Variants in RUFY4 observed in about 807,000 individuals in gnomAD.
The protein encoded by RUFY4 is RUN and FYVE domain containing 4.
RUFY4 carries 73 observed loss-of-function variants against 69.0 expected under a neutral mutation model. That is an observed-to-expected ratio of 1.06 (90% confidence interval 0.88 to 1.29). RUFY4 has a LOEUF of 1.29. RUFY4 is among the 50% of genes most tolerant of loss of function. RUFY4 has a pLI of 0.00. For missense variants in RUFY4, 770 were observed against 705.6 expected (o/e 1.09, Z -1.03); for synonymous variants, 287 against 271.8 (o/e 1.06, Z -0.55).
At chr2:218,068,295 G>GA (rs1689399081), upstream of RUFY4, among the ~76,000 whole-genome samples, 1 of 152,100 alleles carries the variant, frequency 6.6e-6, no homozygotes, top group Non-Finnish European at 1.5e-5. Context: ...GAGCGCAGGG[G>GA]CAGGGATCCT....
At chr2:218,077,634 A>G (rs1574514085) in intron 8 of RUFY4, among the ~76,000 whole-genome samples, 2 of 152,074 alleles carry the variant, frequency 1.3e-5, no homozygotes, top group African/African-American at 4.8e-5. Context: ...TCTCTCCCAC[A>G]TGGCTAACAC....
intron 2 of RUFY4, among the ~76,000 whole-genome samples, chr2:218,053,664 C>A (rs951867460): frequency 1.3e-5 from 2 of 152,194 alleles, no homozygotes; most frequent in African/African-American, 2.4e-5. Context: ...CGTCTGCCAC[C>A]GCGCCCGGCT....
chr2:218,084,344 G>A (rs1689842125), intron 9 of RUFY4, among the ~76,000 whole-genome samples: 1 of 151,922 alleles, frequency 6.6e-6, no homozygotes, highest in East Asian at 1.9e-4. Flanking sequence ...CGGTTCTCCT[G>A]CCTCAGCCTT....
At chr2:218,070,804 C>G in exon 2 of RUFY4, 10 of 1,537,228 alleles carry the variant, frequency 6.5e-6, no homozygotes, top group Non-Finnish European at 8.7e-6. Flanking sequence ...GGGCCAGTGA[C>G]GGACACCAGT....
At chr2:218,054,224 C>G (rs940168974) in intron 2 of RUFY4, among the ~76,000 whole-genome samples, 1 of 152,164 alleles carries the variant, frequency 6.6e-6, no homozygotes, top group African/African-American at 2.4e-5. Flanking sequence ...AAGACTCTTA[C>G]AAGTACTCTT....
chr2:218,061,212 G>A (rs533596333), intron 3 of RUFY4: 19 of 384,572 alleles, frequency 4.9e-5, no homozygotes, highest in South Asian at 1.2e-4. Context: ...GACCAGCATC[G>A]GCAGGGAGTT....
chr2:218,063,074 G>A (rs1236686934), intron 3 of RUFY4, among the ~76,000 whole-genome samples: 3 of 152,250 alleles, frequency 2.0e-5, no homozygotes, highest in African/African-American at 7.2e-5. Flanking sequence ...CCCGCTCTGG[G>A]GAAGCCTGGG....
chr2:218,074,786 T>G (rs1197489061), intron 6 of RUFY4, among the ~76,000 whole-genome samples: 1 of 150,286 alleles, frequency 6.7e-6, no homozygotes, highest in African/African-American at 2.5e-5. Flanking sequence ...AGGAAAGGAG[T>G]GAGAGGAACT....
rs1450644032 is a variant in RUFY4, at chr2:218,045,402, C to T, written c.-1158+10008C>T. 3.9e-5 allele frequency among the ~76,000 whole-genome samples: 6 copies of T among 152,114 alleles called. No individual in the cohort carries two copies. In the South Asian group the frequency reaches 6.2e-4, roughly 16 times the overall value. On this transcript the variant is annotated intron_variant and NMD_transcript_variant, in intron 2 of 13. Coordinates refer to the RUFY4 transcript ENST00000457754. ...AAGAAGAGTTTCCAAATCCTGGAAC[C>T]ATCAGGTAGGAAGAAAAAGATAAAT... is the stretch of plus-strand genomic sequence containing the variant.
intron 8 of RUFY4, among the ~76,000 whole-genome samples, chr2:218,078,003 G>A (rs975257805): frequency 2.0e-5 from 3 of 152,116 alleles, no homozygotes; most frequent in East Asian, 1.9e-4. Flanking sequence ...ACAGTGCTCC[G>A]GCCACCTGTC....
intron 3 of RUFY4, among the ~76,000 whole-genome samples, chr2:218,063,713 C>T (rs929622604): frequency 1.3e-5 from 2 of 152,034 alleles, no homozygotes; most frequent in Non-Finnish European, 2.9e-5. Context: ...TGGGTGTGAG[C>T]GAGGGGCACA....
At chr2:218,060,861 A>G in intron 3 of RUFY4, 1 of 1,478,914 alleles carries the variant, frequency 6.8e-7, no homozygotes, top group Admixed American at 1.7e-5. Flanking sequence ...GGATGGGTAG[A>G]AGGTCCTTCG....
chr2:218,062,962 C>A (rs764873082), intron 3 of RUFY4, among the ~76,000 whole-genome samples: 1 of 152,150 alleles, frequency 6.6e-6, no homozygotes, highest in Non-Finnish European at 1.5e-5. Context: ...GGGGACCCTC[C>A]CTGTCCTGCA....
intron 3 of RUFY4, chr2:218,061,004 G>A (rs780752445): frequency 4.0e-6 from 3 of 756,152 alleles, no homozygotes; most frequent in African/African-American, 1.7e-5. Flanking sequence ...CCATGCTGCG[G>A]CAGGCCAGTA....
At chr2:218,089,456 A>C in intron 10 of RUFY4, 94 bp downstream of exon 12, 1 of 1,059,288 alleles carries the variant, frequency 9.4e-7, no homozygotes, top group Non-Finnish European at 1.4e-6. Flanking sequence ...GGGACACAGG[A>C]ACTGGGTGTT....
At chr2:218,057,008 G>A (rs530982097) in intron 2 of RUFY4, among the ~76,000 whole-genome samples, 1 of 152,082 alleles carries the variant, frequency 6.6e-6, no homozygotes, top group African/African-American at 2.4e-5. Context: ...GAACCCGGGA[G>A]GCCGAGGTTG....
chr2:218,061,746 C>G (rs1478571661), intron 3 of RUFY4, among the ~76,000 whole-genome samples: 1 of 152,220 alleles, frequency 6.6e-6, no homozygotes, highest in Non-Finnish European at 1.5e-5. Flanking sequence ...ACAGGACACT[C>G]AATCCTACTT....
exon 5 of RUFY4, chr2:218,073,288 A>G (rs1689540035): frequency 1.3e-6 from 2 of 1,555,514 alleles, no homozygotes; most frequent in East Asian, 2.4e-5. Flanking sequence ...CAGAACGCCA[A>G]GAAGACATCC....
At chr2:218,067,220 C>A (rs546495364), upstream of RUFY4, among the ~76,000 whole-genome samples, 105 of 152,360 alleles carry the variant, frequency 6.9e-4, no homozygotes, top group African/African-American at 2.4e-3. Flanking sequence ...CTGGCACCAC[C>A]CCGCAGATGG....
Sources: gnomAD v4.1 joint callset for allele counts (sites outside exome capture counted in the v4.1 genomes callset) on GRCh38, gnomAD v4.1.1 for gene constraint, MANE v1.5 for transcripts, NCBI Gene and HGNC (gene_info 2026-07-23, HGNC 2026-07-21) for gene names.